Variants in SAMD5 observed in about 807,000 individuals in gnomAD.
SAMD5 encodes sterile alpha motif domain-containing protein 5.
SAMD5 carries 13 observed loss-of-function variants against 11.3 expected under a neutral mutation model. The ratio of observed to expected loss-of-function variants is 1.15; its 90% confidence interval spans 0.75 to 1.83. SAMD5 has a LOEUF of 1.83. Among genes scored for constraint, SAMD5 ranks in the 40% most tolerant of loss-of-function variants. SAMD5 has a pLI of 0.00. For missense variants in SAMD5, 255 were observed against 239.1 expected, an observed-to-expected ratio of 1.07 and a Z score of -0.44; for synonymous variants, 129 against 111.3, an observed-to-expected ratio of 1.16 and a Z score of -1.00.
the SAMD5 span, among the ~76,000 whole-genome samples, chr6:147,764,780 G>T: frequency 6.6e-6 from 1 of 152,012 alleles, no homozygotes; most frequent in Non-Finnish European, 1.5e-5. Context: ...TCGTCACATG[G>T]CCTCATTTCT....
At chr6:147,716,584 G>T (rs1791470841) in intron 1 of SAMD5, among the ~76,000 whole-genome samples, 1 of 152,198 alleles carries the variant, frequency 6.6e-6, no homozygotes. Flanking sequence ...TGAAGCTCCT[G>T]CCCTGCCAAC....
the SAMD5 span, among the ~76,000 whole-genome samples, chr6:147,799,839 C>T: frequency 3.3e-5 from 5 of 152,104 alleles, no homozygotes; most frequent in Non-Finnish European, 2.9e-5. Flanking sequence ...CTGCTGATAC[C>T]CTTTCTTCCA....
At chr6:147,737,938 G>C (rs1007604313), downstream of SAMD5, among the ~76,000 whole-genome samples, 1 of 152,020 alleles carries the variant, frequency 6.6e-6, no homozygotes. Flanking sequence ...AAGTTACGGA[G>C]GATAAAGAGA....
the SAMD5 span, among the ~76,000 whole-genome samples, chr6:147,767,767 T>C: frequency 3.9e-5 from 6 of 152,210 alleles, no homozygotes; most frequent in East Asian, 7.7e-4. Context: ...CAGTTTATTG[T>C]ATTTGTCATG....
intron 1 of SAMD5, among the ~76,000 whole-genome samples, chr6:147,591,314 A>G (rs149238579): frequency 6.6e-6 from 1 of 152,312 alleles, no homozygotes; most frequent in African/African-American, 2.4e-5. Flanking sequence ...TGGCATATAA[A>G]GCTGCTTCAG....
chr6:147,792,719 A>T, the SAMD5 span, among the ~76,000 whole-genome samples: 28 of 152,184 alleles, frequency 1.8e-4, no homozygotes, highest in Non-Finnish European at 3.2e-4. Context: ...ATTTTGTAGG[A>T]CTAGAAAGTA....
the SAMD5 span, among the ~76,000 whole-genome samples, chr6:147,832,830 T>C: frequency 6.6e-6 from 1 of 152,180 alleles, no homozygotes; most frequent in South Asian, 2.1e-4. Context: ...AAATCCTATT[T>C]TGTAAAAGAA....
chr6:147,529,501 G>A (rs1230028801), intron 1 of SAMD5, among the ~76,000 whole-genome samples: 2 of 152,030 alleles, frequency 1.3e-5, no homozygotes, highest in Non-Finnish European at 2.9e-5. Context: ...ATGTATACAC[G>A]CAGATGAACT....
At chr6:147,807,289 GAGACAGGGT>G in the SAMD5 span, among the ~76,000 whole-genome samples, 2 of 151,842 alleles carry the variant, frequency 1.3e-5, no homozygotes, top group Non-Finnish European at 2.9e-5. Flanking sequence ...ACTTTTAGTA[GAGACAGGGT>G]TACAGCGTGT....
chr6:147,843,458 T>C, the SAMD5 span, among the ~76,000 whole-genome samples: 1 of 152,122 alleles, frequency 6.6e-6, no homozygotes, highest in African/African-American at 2.4e-5. Flanking sequence ...CTATCAAAAT[T>C]CCAATGTCAT....
chr6:147,783,213 A>G, the SAMD5 span, among the ~76,000 whole-genome samples: 1 of 152,050 alleles, frequency 6.6e-6, no homozygotes, highest in East Asian at 1.9e-4. Flanking sequence ...TCTATGTGAG[A>G]TCTCAAATTT....
At chr6:147,613,787 G>C (rs914548463) in intron 1 of SAMD5, among the ~76,000 whole-genome samples, 5 of 151,864 alleles carry the variant, frequency 3.3e-5, no homozygotes, top group African/African-American at 1.2e-4. Flanking sequence ...GGTGGCAGGA[G>C]AGGAAAAAGG....
chr6:147,826,264 T>C, the SAMD5 span, among the ~76,000 whole-genome samples: 6 of 152,350 alleles, frequency 3.9e-5, no homozygotes, highest in African/African-American at 7.2e-5. Context: ...TCACAATGCA[T>C]TGGATTAGGA....
intron 1 of SAMD5, among the ~76,000 whole-genome samples, chr6:147,631,355 A>T (rs1318350408): frequency 6.6e-6 from 1 of 152,188 alleles, no homozygotes; most frequent in Non-Finnish European, 1.5e-5. Flanking sequence ...CAGCATAATT[A>T]CTTGCTTGAT....
chr6:147,642,295 T>C (rs1360243220), intron 1 of SAMD5, among the ~76,000 whole-genome samples: 1 of 152,236 alleles, frequency 6.6e-6, no homozygotes, highest in Admixed American at 6.5e-5. Context: ...TCTTAGTGCA[T>C]TTAATTCTAT....
At chr6:147,857,708 A>G in the SAMD5 span, among the ~76,000 whole-genome samples, 1 of 152,110 alleles carries the variant, frequency 6.6e-6, no homozygotes, top group African/African-American at 2.4e-5. Context: ...TTCATTTGAA[A>G]TATCTTTATT....
the SAMD5 span, among the ~76,000 whole-genome samples, chr6:147,768,786 A>G: frequency 7.2e-5 from 11 of 152,006 alleles, no homozygotes; most frequent in Non-Finnish European, 1.6e-4. Context: ...TGGTGAGAAC[A>G]TTTAAAATTT....
chr6:147,918,771 C>T, the SAMD5 span, among the ~76,000 whole-genome samples: 1 of 146,884 alleles, frequency 6.8e-6, no homozygotes, highest in African/African-American at 2.5e-5. Context: ...GATCTCGGCT[C>T]ACTGCAACCT....
At chr6:147,864,092 T>A in the SAMD5 span, among the ~76,000 whole-genome samples, 1 of 152,032 alleles carries the variant, frequency 6.6e-6, no homozygotes, top group Non-Finnish European at 1.5e-5. Flanking sequence ...TCAACCCACT[T>A]CGGTCTCCCA....
Sources: gnomAD v4.1 joint callset for allele counts (sites outside exome capture counted in the v4.1 genomes callset) on GRCh38, gnomAD v4.1.1 for gene constraint, MANE v1.5 for transcripts, NCBI Gene and HGNC (gene_info 2026-07-23, HGNC 2026-07-21) for gene names.